The following TMCC1 variants were observed in gnomAD, a reference collection of about 807,000 sequenced individuals.
The protein encoded by TMCC1 is transmembrane and coiled-coil domain family 1, also known as transmembrane and coiled-coil domains protein 1.
TMCC1 carries 15 observed loss-of-function variants against 52.4 expected under a neutral mutation model. The ratio of observed to expected loss-of-function variants is 0.29; its 90% CI spans 0.19 to 0.44. The LOEUF is 0.44. Ranked by LOEUF, TMCC1 falls within the 20% of genes least tolerant of loss-of-function variation. TMCC1 has a pLI of 1.00. For missense variants in TMCC1, 503 were observed against 806.0 expected (o/e 0.62, Z 4.55); for synonymous variants, 279 against 301.9 (o/e 0.92, Z 0.79).
At chr3:129,734,878 T>C (rs1029000603) in intron 4 of TMCC1, among the ~76,000 whole-genome samples, 1 of 152,092 alleles carries the variant, frequency 6.6e-6, no homozygotes, top group African/African-American at 2.4e-5. Context: ...CAGCCACCCA[T>C]TAATCTCTTT....
intron 2 of TMCC1, among the ~76,000 whole-genome samples, chr3:129,872,401 C>T (rs545932201): frequency 7.9e-5 from 12 of 152,148 alleles, no homozygotes; most frequent in Non-Finnish European, 1.6e-4. Flanking sequence ...TTCTCAGGCC[C>T]TACTCCAAAC....
chr3:129,859,932 G>A (rs1360361673), intron 2 of TMCC1, among the ~76,000 whole-genome samples: 3 of 151,976 alleles, frequency 2.0e-5, no homozygotes, highest in Admixed American at 6.6e-5. Context: ...GAAGCTACAT[G>A]GCAACTTATC....
intron 2 of TMCC1, among the ~76,000 whole-genome samples, chr3:129,848,899 T>C (rs550982798): frequency 1.3e-3 from 198 of 151,880 alleles, no homozygotes; most frequent in African/African-American, 3.8e-3. Flanking sequence ...TATGGCTCGC[T>C]CCTCTACTAA....
chr3:129,708,341 A>G lies in TMCC1; in HGVS notation c.577-37077T>C, dbSNP rs372783809. ...TGCCTAAGACATCCTAATTCTTAAA[A>G]TGTACTGCAATGTAACAAGAGCTTT... On this transcript the variant is annotated intron_variant, in intron 4 of 6. Transcript: ENST00000393238. 2.6e-5 allele frequency among the ~76,000 whole-genome samples: 4 copies of G among 152,314 alleles called. No individual in the cohort carries two copies. In the East Asian group the frequency reaches 5.8e-4, roughly 22 times the overall value.
At chr3:129,863,315 G>A (rs753418369) in intron 2 of TMCC1, among the ~76,000 whole-genome samples, 11 of 152,114 alleles carry the variant, frequency 7.2e-5, no homozygotes, top group Non-Finnish European at 1.5e-4. Context: ...TTATCCCAAA[G>A]CATGTGATGT....
intron 4 of TMCC1, among the ~76,000 whole-genome samples, chr3:129,696,717 G>C (rs2047440311): frequency 6.6e-6 from 1 of 152,178 alleles, no homozygotes; most frequent in Admixed American, 6.5e-5. Flanking sequence ...AGATACAATG[G>C]GGGTACAGGC....
intron 5 of TMCC1, among the ~76,000 whole-genome samples, chr3:129,667,172 C>T (rs997474936): frequency 1.1e-4 from 15 of 136,272 alleles, no homozygotes; most frequent in African/African-American, 2.5e-4. Context: ...CAAAGTGCTA[C>T]GATTACAGGC....
chr3:129,736,449 T>C (rs1040559714), intron 4 of TMCC1, among the ~76,000 whole-genome samples: 1 of 152,198 alleles, frequency 6.6e-6, no homozygotes, highest in Admixed American at 6.5e-5. Flanking sequence ...GTCTAGGCCA[T>C]TTAATAATTG....
At chr3:129,794,270 T>G (rs1386833966) in intron 4 of TMCC1, 1 of 455,956 alleles carries the variant, frequency 2.2e-6, no homozygotes, top group Non-Finnish European at 4.4e-6. Context: ...AAAGGAACCA[T>G]GCTGAAGCAA....
At position 129,655,391 on chromosome 3, in the gene TMCC1, T is replaced by C. The variant is rs574448140; in HGVS notation, c.1512-288A>G. On this transcript the variant is annotated intron_variant, in intron 5 of 6. Coordinates refer to ENST00000393238, the MANE Select transcript of TMCC1 (RefSeq NM_001017395.5). ...ATTAGCTTTGAGCATAACCATAATA[T>C]TAAGACAGTCATTAGGCTCCTCTGA... 7.9e-5 allele frequency among the ~76,000 whole-genome samples: 12 copies of C among 152,256 alleles called. No individual in the cohort carries two copies. The South Asian group carries it at 2.5e-3, about 32-fold the overall frequency.
chr3:129,857,080 G>A (rs1192556945), intron 2 of TMCC1, among the ~76,000 whole-genome samples: 2 of 151,992 alleles, frequency 1.3e-5, no homozygotes, highest in African/African-American at 2.4e-5. Context: ...CACCAAACCC[G>A]GTTAATTTTT....
intron 4 of TMCC1, among the ~76,000 whole-genome samples, chr3:129,757,332 C>T (rs942226197): frequency 2.0e-5 from 3 of 152,084 alleles, no homozygotes; most frequent in African/African-American, 7.2e-5. Flanking sequence ...TCCAGTCTTC[C>T]CACTGCCACC....
intron 2 of TMCC1, among the ~76,000 whole-genome samples, chr3:129,877,981 A>G (rs2061300548): frequency 7.4e-6 from 1 of 135,502 alleles, no homozygotes; most frequent in Non-Finnish European, 1.6e-5. Flanking sequence ...TTTTTGAGAC[A>G]GAGTTTCGCT....
intron 4 of TMCC1, among the ~76,000 whole-genome samples, chr3:129,820,496 T>A (rs1161390835): frequency 6.6e-6 from 1 of 151,992 alleles, no homozygotes; most frequent in Middle Eastern, 3.2e-3. Context: ...TGGCCCTAAC[T>A]GGAGAAATAC....
chr3:129,675,163 T>C (rs1282031860), intron 4 of TMCC1, among the ~76,000 whole-genome samples: 1 of 152,200 alleles, frequency 6.6e-6, no homozygotes, highest in Non-Finnish European at 1.5e-5. Context: ...TCACTCCAGA[T>C]AGACAATTAA....
chr3:129,762,038 C>CT (rs1306028544), intron 4 of TMCC1, among the ~76,000 whole-genome samples: 5,758 of 119,458 alleles, frequency 0.048, 558 homozygotes, highest in East Asian at 0.39. Context: ...AGATTTCTAA[C>CT]TTTTTTTTTT....
At chr3:129,840,410 A>G (rs1243323187) in intron 2 of TMCC1, among the ~76,000 whole-genome samples, 2 of 152,150 alleles carry the variant, frequency 1.3e-5, no homozygotes, top group Non-Finnish European at 2.9e-5. Flanking sequence ...GGAAAAAAAT[A>G]AAACAATGGA....
At chr3:129,724,683 A>G (rs2049934545) in intron 4 of TMCC1, among the ~76,000 whole-genome samples, 1 of 152,162 alleles carries the variant, frequency 6.6e-6, no homozygotes, top group African/African-American at 2.4e-5. Flanking sequence ...GAGGGGCACT[A>G]AAAAAGGAGC....
At chr3:129,724,058 T>C (rs138588940) in intron 4 of TMCC1, among the ~76,000 whole-genome samples, 1 of 152,202 alleles carries the variant, frequency 6.6e-6, no homozygotes, top group East Asian at 1.9e-4. Flanking sequence ...TTGAACATGT[T>C]GTACTGTGGC....
Sources: allele counts gnomAD v4.1 joint callset (sites outside exome capture counted in the v4.1 genomes callset), GRCh38; gene constraint gnomAD v4.1.1; transcripts MANE v1.5; gene names NCBI Gene and HGNC (gene_info 2026-07-23, HGNC 2026-07-21).